LIPA: variants seen among roughly 807,000 people sequenced by gnomAD.
LIPA encodes the protein lysosomal acid lipase/cholesteryl ester hydrolase.
A neutral mutation model predicts 40.6 loss-of-function variants in LIPA; 26 were observed. The observed-to-expected ratio is 0.64, with a 90% CI of 0.47 to 0.89. The LOEUF (loss-of-function observed/expected upper bound fraction) is 0.89, where lower values mean the gene tolerates loss of function less well. Ranked by LOEUF, LIPA falls within the 40% of genes least tolerant of loss-of-function variation. The probability of loss-of-function intolerance (pLI) is 0.00; values close to 1 mark genes in which losing one functional copy is unlikely to be tolerated. For synonymous variants in LIPA, 188 were observed against 168.4 expected (o/e 1.12, Z -0.90); for missense variants, 455 against 479.6 (o/e 0.95, Z 0.48).
chr10:89,313,369 T>C (rs941456752), intron 1 of LIPA, among the ~76,000 whole-genome samples: 1 of 152,202 alleles, frequency 6.6e-6, no homozygotes, highest in South Asian at 2.1e-4. Context: ...CCTACAGCCT[T>C]CTCTCTCTTT....
intron 2 of LIPA, among the ~76,000 whole-genome samples, chr10:89,386,906 T>C (rs1423395024): frequency 6.6e-6 from 1 of 152,152 alleles, no homozygotes; most frequent in Non-Finnish European, 1.5e-5. Flanking sequence ...CTTTTGCAAC[T>C]GCATCTACTT....
intron 3 of LIPA, among the ~76,000 whole-genome samples, chr10:89,228,714 T>C (rs965240575): frequency 4.6e-5 from 7 of 152,246 alleles, no homozygotes; most frequent in Non-Finnish European, 8.8e-5. Flanking sequence ...TCTTATAAAA[T>C]GTTTTTACAA....
chr10:89,403,760 C>A (rs1844482911), intron 2 of LIPA: 1 of 991,270 alleles, frequency 1.0e-6, no homozygotes, highest in Non-Finnish European at 1.5e-6. Flanking sequence ...TTTATGCTAA[C>A]ATTTACTAAT....
rs548533712 is a variant in LIPA at position 89,231,435 on chromosome 10, A to G, written c.230-3037T>C. Among the ~76,000 whole-genome samples the G allele has an allele frequency of 2.0e-5, 3 of 152,202 alleles. No homozygotes were observed. In the South Asian group the frequency reaches 6.2e-4, roughly 32 times the overall value. ...GGGTGCTATACCCTCGTGTTGTTAA[A>G]ATAGCAGGACCCCAGGCCAAGAGTA... On this transcript the variant is annotated intron_variant, in intron 3 of 9. Transcript: ENST00000336233.
At chr10:89,389,164 T>C (rs1393629159) in intron 2 of LIPA, among the ~76,000 whole-genome samples, 1 of 152,214 alleles carries the variant, frequency 6.6e-6, no homozygotes, top group Non-Finnish European at 1.5e-5. Context: ...ATTCCAATTG[T>C]TAAATGTTAA....
intron 2 of LIPA, among the ~76,000 whole-genome samples, chr10:89,412,383 C>A (rs1156540891): frequency 1.3e-5 from 2 of 152,162 alleles, no homozygotes; most frequent in Non-Finnish European, 2.9e-5. Flanking sequence ...GTAAAATGGA[C>A]CAATCAGCAC....
chr10:89,233,736 G>A (rs1394958257), intron 3 of LIPA, among the ~76,000 whole-genome samples: 3 of 152,102 alleles, frequency 2.0e-5, no homozygotes, highest in African/African-American at 7.2e-5. Flanking sequence ...CCTCGTGGTG[G>A]GTGCCTGTAA....
intron 2 of LIPA, chr10:89,393,167 C>A (rs765686956): frequency 7.7e-7 from 1 of 1,290,652 alleles, no homozygotes; most frequent in African/African-American, 1.5e-5. Context: ...GTCTTGCAGC[C>A]TCTCTGATGT....
intron 1 of LIPA, among the ~76,000 whole-genome samples, chr10:89,337,939 A>G (rs562192566): frequency 1.3e-5 from 2 of 152,220 alleles, no homozygotes; most frequent in Non-Finnish European, 2.9e-5. Context: ...AAAATACAGT[A>G]TTCAATAAGT....
intron 2 of LIPA, among the ~76,000 whole-genome samples, chr10:89,410,124 T>C (rs1841457648): frequency 6.6e-6 from 1 of 152,242 alleles, no homozygotes; most frequent in African/African-American, 2.4e-5. Flanking sequence ...AGCAAAAGGC[T>C]GGCCTCACTG....
At chr10:89,385,525 G>A (rs559044725) in intron 2 of LIPA, among the ~76,000 whole-genome samples, 1 of 152,264 alleles carries the variant, frequency 6.6e-6, no homozygotes, top group South Asian at 2.1e-4. Flanking sequence ...CCAAACAAAG[G>A]AGACCTAAAC....
intron 1 of LIPA, chr10:89,292,162 T>C (rs984441220): frequency 2.6e-5 from 4 of 152,216 alleles, no homozygotes; most frequent in Non-Finnish European, 5.9e-5. Flanking sequence ...AGCGGCTAGG[T>C]GTATACTAAT....
chr10:89,263,627 G>A (rs993177645), intron 1 of LIPA, among the ~76,000 whole-genome samples: 1 of 152,240 alleles, frequency 6.6e-6, no homozygotes, highest in African/African-American at 2.4e-5. Flanking sequence ...GATAGCATAT[G>A]GAACTGTCAT....
chr10:89,252,237 A>G (rs1025220028), upstream of LIPA, among the ~76,000 whole-genome samples: 1 of 152,356 alleles, frequency 6.6e-6, no homozygotes, highest in Non-Finnish European at 1.5e-5. Context: ...TGCTGCTTTA[A>G]ATTTTTTATT....
At chr10:89,220,808 C>T (rs1291235246) in intron 8 of LIPA, among the ~76,000 whole-genome samples, 2 of 152,096 alleles carry the variant, frequency 1.3e-5, no homozygotes, top group Non-Finnish European at 2.9e-5. Flanking sequence ...CAGGATGTCC[C>T]GAACAGGTCT....
intron 8 of LIPA, among the ~76,000 whole-genome samples, chr10:89,216,872 A>C (rs1008558645): frequency 6.6e-6 from 1 of 152,188 alleles, no homozygotes; most frequent in African/African-American, 2.4e-5. Flanking sequence ...TATTGATTAA[A>C]CACTTTTTCT....
intron 2 of LIPA, among the ~76,000 whole-genome samples, chr10:89,368,967 G>T (rs1262577577): frequency 1.3e-5 from 2 of 150,940 alleles, no homozygotes; most frequent in Non-Finnish European, 2.9e-5. Context: ...TGGTTAGAAG[G>T]CATCCGAATC....
intron 1 of LIPA, among the ~76,000 whole-genome samples, chr10:89,257,354 T>C (rs1365675700): frequency 2.0e-5 from 3 of 151,850 alleles, no homozygotes; most frequent in East Asian, 1.9e-4. Flanking sequence ...AAACAGGAGG[T>C]AGTAGTGGTG....
chr10:89,257,213 T>C (rs1564770516), intron 1 of LIPA, among the ~76,000 whole-genome samples: 1 of 152,258 alleles, frequency 6.6e-6, no homozygotes, highest in Non-Finnish European at 1.5e-5. Context: ...GTGATAGTTC[T>C]GAATTTCAGG....
Sources: gnomAD v4.1 joint callset for allele counts (sites outside exome capture counted in the v4.1 genomes callset) on GRCh38, gnomAD v4.1.1 for gene constraint, MANE v1.5 for transcripts, NCBI Gene and HGNC (gene_info 2026-07-23, HGNC 2026-07-21) for gene names.